The following FUOM variants were observed in gnomAD, a reference collection of about 807,000 sequenced individuals.
The protein encoded by FUOM is fucose mutarotase.
A neutral mutation model predicts 18.3 loss-of-function variants in FUOM; 19 were observed. The observed-to-expected ratio is 1.04, with a 90% CI of 0.73 to 1.53. FUOM has a LOEUF of 1.53. FUOM is among the 40% of genes most tolerant of loss of function. The pLI is 0.00. For missense variants in FUOM, 210 were observed against 200.9 expected (o/e 1.04, Z -0.27); for synonymous variants, 102 against 87.9 (o/e 1.16, Z -0.90).
At chr10:133,353,201 G>C (rs1848711054), downstream of FUOM, among the ~76,000 whole-genome samples, 1 of 152,214 alleles carries the variant, frequency 6.6e-6, no homozygotes, top group Non-Finnish European at 1.5e-5. Flanking sequence ...AAAGTGCACA[G>C]GTCTCAGGTG....
At chr10:133,355,874 G>A in intron 4 of FUOM, 63 bp from the exon 5 acceptor site, 1 of 1,351,246 alleles carries the variant, frequency 7.4e-7, no homozygotes, top group South Asian at 1.2e-5. Context: ...GGCCAGCCCT[G>A]GACTCCCCAG....
rs766135585 is a variant in FUOM, at chr10:133,356,675, C to G, written c.289G>C (p.Glu97Gln). 1.2e-6 allele frequency: 2 copies of G among 1,600,844 alleles called. No homozygotes were observed. Among genetic ancestry groups the G allele is most frequent in the African/African-American group, 1.3e-5 (1 of 74,704 alleles). ...ERGLQTPVWT[E>Q]YESILRRAGC... is the part of the protein sequence containing the mutation. ...GCCCTGCGTAGGATGGACTCGTACTCCGTCCACACTGGGGTCTGCAGGCCC... is the reference window on the plus strand; with the variant it reads ...GCCCTGCGTAGGATGGACTCGTACTGCGTCCACACTGGGGTCTGCAGGCCC... The change falls in exon 4 of 6, where the codon GAG (glutamate) becomes CAG (glutamine). Residue 97 changes from glutamate to glutamine, a missense_variant. Glu to Gln is a conservative substitution (Grantham distance 29). Transcript: ENST00000278025.
chr10:133,353,360 G>T (rs562734212), downstream of FUOM, among the ~76,000 whole-genome samples: 1 of 152,196 alleles, frequency 6.6e-6, no homozygotes. Context: ...CTCACACACC[G>T]CATGTGTCCT....
At chr10:133,353,206 C>T (rs1289335377), downstream of FUOM, among the ~76,000 whole-genome samples, 1 of 152,186 alleles carries the variant, frequency 6.6e-6, no homozygotes, top group African/African-American at 2.4e-5. Flanking sequence ...GCACAGGTCT[C>T]AGGTGAGGGC....
chr10:133,353,122 C>G (rs570474624), downstream of FUOM, among the ~76,000 whole-genome samples: 12 of 152,300 alleles, frequency 7.9e-5, 1 homozygote, highest in African/African-American at 2.9e-4. Flanking sequence ...GAGACAGGGT[C>G]GGGGAGGAGG....
intron 5 of FUOM, 105 bp from the exon 6 acceptor site, chr10:133,355,541 A>C (rs1293763702): frequency 1.9e-6 from 3 of 1,609,586 alleles, no homozygotes; most frequent in Non-Finnish European, 2.5e-6. Flanking sequence ...ACCTTCACCC[A>C]CTTGATGCTC....
chr10:133,356,648 CG>C lies in FUOM; in HGVS notation c.315del (p.Gly106AlafsTer3). On this transcript the variant is annotated frameshift_variant, in exon 4 of 6. Coordinates refer to ENST00000278025, the MANE Select transcript of FUOM (RefSeq NM_001098483.3). LOFTEE classifies it high-confidence loss of function. Reference sequence around the variant, plus strand: ...TGGGGCTGCAGGCTTACCACACAGCCGGCCCTGCGTAGGATGGACTCGTACT... The same window carrying C: ...TGGGGCTGCAGGCTTACCACACAGCCGCCCTGCGTAGGATGGACTCGTACT... Reference protein sequence around the residue: ...WTEYESILRRAGCVRALAKIE... With the variant: ...WTEYESILRRXGCVRALAKIE... 6.3e-7 allele frequency: 1 copy of C among 1,574,886 alleles called. No individual in the cohort carries two copies. The highest frequency in any genetic ancestry group is 8.6e-7 in the Non-Finnish European group (1 of 1,157,156).
At chr10:133,353,681 T>C (rs908604506), downstream of FUOM, among the ~76,000 whole-genome samples, 6 of 152,110 alleles carry the variant, frequency 3.9e-5, no homozygotes, top group African/African-American at 1.4e-4. Flanking sequence ...TGTCCCACAA[T>C]GTAAGAGCTG....
At chr10:133,357,805 G>A in intron 1 of FUOM, 118 bp downstream of exon 1, 2 of 716,376 alleles carry the variant, frequency 2.8e-6, no homozygotes, top group East Asian at 3.3e-5. Context: ...AGCCAGGGAG[G>A]CCCGAGCAAC....
chr10:133,354,235 T>C (rs1240992333), downstream of FUOM, among the ~76,000 whole-genome samples: 1 of 152,138 alleles, frequency 6.6e-6, no homozygotes, highest in Non-Finnish European at 1.5e-5. Flanking sequence ...GCGAGGCCCC[T>C]GGGGCCAAGG....
At chr10:133,355,022 C>T, downstream of FUOM, 1 of 307,512 alleles carries the variant, frequency 3.3e-6, no homozygotes, top group Non-Finnish European at 6.2e-6. Context: ...GGGCACCAGG[C>T]ACCCCGCCCA....
In FUOM at chr10:133,356,711, C is replaced by T. The variant is rs574134371; in HGVS notation, c.253G>A (p.Asp85Asn). 10 of 1,596,734 alleles carry T rather than the reference C, an allele frequency of 6.3e-6. No individual in the cohort carries two copies. The highest frequency in any genetic ancestry group is 1.7e-5 in the Admixed American group (1 of 58,292). Residue 85 changes from aspartate to asparagine, a missense_variant, in exon 4 of 6, where the codon GAC becomes AAC. Coordinates refer to ENST00000278025, the MANE Select transcript of FUOM (RefSeq NM_001098483.3). ...GGGGTCTGCAGGCCCCTCTCCTTGT[C>T]GCTGGGCACCAGCTCCATGACTGCA... ...PAAVMELVPSDKERGLQTPVW... is the reference protein window; with the variant it reads ...PAAVMELVPSNKERGLQTPVW...
intron 5 of FUOM, 150 bp from the exon 6 acceptor site, chr10:133,355,586 C>A (rs1848766896): frequency 6.3e-7 from 1 of 1,596,152 alleles, no homozygotes; most frequent in African/African-American, 1.3e-5. Flanking sequence ...CGAAATTCCT[C>A]CCTGGTCTCT....
chr10:133,357,281 G>A lies in FUOM; in HGVS notation c.86-26C>T, dbSNP rs769840916. 1.1e-5 allele frequency: 17 copies of A among 1,557,872 alleles called. No homozygotes were observed. In the Admixed American group the frequency reaches 1.5e-4, roughly 14 times the overall value. ...CTAAACAGCCGGGAGGACAGCCCGT[G>A]TCGGCACCTATCCCTGCCCTCGGGG... On this transcript the variant is annotated intron_variant, in intron 1 of 5. Transcript: ENST00000278025.
intron 4 of FUOM, among the ~76,000 whole-genome samples, chr10:133,356,042 T>C (rs1362977408): frequency 1.3e-5 from 2 of 152,182 alleles, no homozygotes; most frequent in Non-Finnish European, 2.9e-5. Flanking sequence ...GGTCTCTGCC[T>C]GACCTGGGGC....
intron 4 of FUOM, among the ~76,000 whole-genome samples, chr10:133,356,012 C>G (rs564889263): frequency 6.6e-6 from 1 of 152,188 alleles, no homozygotes; most frequent in Non-Finnish European, 1.5e-5. Flanking sequence ...ACATGGTGGA[C>G]GAGGAACCTG....
At position 133,357,242 on chromosome 10, in the gene FUOM, C is replaced by T. The variant is rs1188314733; in HGVS notation, c.99G>A (p.Leu33=). 1.9e-6 allele frequency: 3 copies of T among 1,579,994 alleles called. No homozygotes were observed. Among genetic ancestry groups the T allele is most frequent in the Admixed American group, 1.8e-5 (1 of 55,834 alleles). The change falls in exon 2 of 6, where the codon TTG becomes TTA. Residue 33 remains leucine (L), a synonymous_variant. Transcript: ENST00000278025. ...GGCAGATGGAGGAGGCCGGGAAGTT[C>T]AAGTCCGCAAGAACTAAACAGCCGG... ...GHGDEIVLAD[L]NFPASSICQC...
chr10:133,355,678 T>C (rs1848770282), intron 5 of FUOM, 60 bp downstream of exon 5: 1 of 1,560,150 alleles, frequency 6.4e-7, no homozygotes, highest in African/African-American at 1.4e-5. Flanking sequence ...CCGGTGGGGA[T>C]GGGGGCAGCT....
chr10:133,353,146 T>TGGGGCTC (rs1848710127), downstream of FUOM, among the ~76,000 whole-genome samples: 1 of 152,138 alleles, frequency 6.6e-6, no homozygotes, highest in Non-Finnish European at 1.5e-5. Flanking sequence ...GCCGAGTGCC[T>TGGGGCTC]GGGGCTCAGG....
Sources: gnomAD v4.1 joint callset for allele counts (sites outside exome capture counted in the v4.1 genomes callset) on GRCh38, gnomAD v4.1.1 for gene constraint, MANE v1.5 for transcripts, NCBI Gene and HGNC (gene_info 2026-07-23, HGNC 2026-07-21) for gene names.